Variants in RCAN1 observed in about 807,000 individuals in gnomAD.
RCAN1 encodes the protein regulator of calcineurin 1.
RCAN1 carries 11 observed loss-of-function variants against 22.9 expected under a neutral mutation model. The observed-to-expected ratio is 0.48, with a 90% CI of 0.30 to 0.79. RCAN1 has a LOEUF of 0.79. Ranked by LOEUF, RCAN1 falls within the 30% of genes least tolerant of loss-of-function variation. The probability of loss-of-function intolerance (pLI) is 0.06; values close to 1 mark genes in which losing one functional copy is unlikely to be tolerated. For synonymous variants in RCAN1, 136 were observed against 142.3 expected, an observed-to-expected ratio of 0.96 and a Z score of 0.32; for missense variants, 291 against 337.8, an observed-to-expected ratio of 0.86 and a Z score of 1.09.
intron 1 of RCAN1, among the ~76,000 whole-genome samples, chr21:34,590,265 A>G (rs1188669219): frequency 6.6e-6 from 1 of 152,262 alleles, no homozygotes; most frequent in Non-Finnish European, 1.5e-5. Context: ...TCCAGCAGCA[A>G]TCGCAATCTA....
intron 1 of RCAN1, among the ~76,000 whole-genome samples, chr21:34,538,597 G>C (rs1301650217): frequency 6.6e-6 from 1 of 152,160 alleles, no homozygotes; most frequent in Non-Finnish European, 1.5e-5. Flanking sequence ...GAGGGGAAAG[G>C]AAACTGGGCA....
At chr21:34,547,086 G>C (rs1170180429) in intron 1 of RCAN1, among the ~76,000 whole-genome samples, 1 of 152,184 alleles carries the variant, frequency 6.6e-6, no homozygotes, top group Non-Finnish European at 1.5e-5. Flanking sequence ...GGAACACAAA[G>C]GGTCGCAAAC....
rs570826634 is a variant in RCAN1 at position 34,567,806 on chromosome 21, C to T, written c.253-44096G>A. Among the ~76,000 whole-genome samples the T allele has an allele frequency of 1.9e-4, 29 of 152,296 alleles. No homozygotes were observed. In the South Asian group the frequency reaches 4.3e-3, roughly 23 times the overall value. On this transcript the variant is annotated intron_variant, in intron 1 of 3. Transcript: ENST00000313806. Reference sequence around the variant, plus strand: ...GTCGCTGCTGTTGATGCAAGGAAATCGCAACATAAGAGGAAAATGGGGTTG... The same window carrying T: ...GTCGCTGCTGTTGATGCAAGGAAATTGCAACATAAGAGGAAAATGGGGTTG...
chr21:34,613,909 C>T (rs1601231439), intron 1 of RCAN1: 3 of 1,318,468 alleles, frequency 2.3e-6, no homozygotes, highest in South Asian at 1.9e-5. Context: ...AGCTGCTCTC[C>T]TAATGGGGCA....
At position 34,558,196 on chromosome 21, in the gene RCAN1, G is replaced by A. The variant is rs151043280; in HGVS notation, c.253-34486C>T. Among the ~76,000 whole-genome samples, 483 of 152,258 alleles carry A rather than the reference G, an allele frequency of 3.2e-3. 3 individuals are homozygous for A. The highest frequency in any genetic ancestry group is 0.011 in the African/African-American group (458 of 41,566). On this transcript the variant is annotated intron_variant, in intron 1 of 3. Coordinates refer to ENST00000313806, the MANE Select transcript of RCAN1 (RefSeq NM_004414.7). ...AAAGAGATTCTCCCTCTCGAACTCC[G>A]AGGGAGAAGGCTGTTTCAGGTTCCC...
At chr21:34,596,077 C>T (rs1431334263) in intron 1 of RCAN1, among the ~76,000 whole-genome samples, 4 of 152,158 alleles carry the variant, frequency 2.6e-5, no homozygotes, top group South Asian at 2.1e-4. Context: ...ACTCTCGGCA[C>T]TTTCTGTCTG....
intron 1 of RCAN1, among the ~76,000 whole-genome samples, chr21:34,581,953 C>G (rs115264436): frequency 1.6e-4 from 25 of 152,190 alleles, no homozygotes; most frequent in Non-Finnish European, 3.4e-4. Context: ...CAGGGCCGAT[C>G]TCTTTCAAGC....
At chr21:34,597,005 G>C (rs1248581494) in intron 1 of RCAN1, among the ~76,000 whole-genome samples, 6 of 152,178 alleles carry the variant, frequency 3.9e-5, no homozygotes, top group Admixed American at 3.9e-4. Context: ...TTGAGACAGA[G>C]AGTAAGAATC....
rs939268909 is a variant in RCAN1 at position 34,523,467 on chromosome 21, C to T, written c.426+70G>A. The T allele has an allele frequency of 4.0e-6, 6 of 1,486,978 alleles. 1 individual carries two copies. Among genetic ancestry groups the T allele is most frequent in the South Asian group, 2.5e-5 (2 of 81,188 alleles). The allele number at this position is 1,486,978 out of a possible 1,614,324, so 92.1% of individuals were successfully genotyped here. A position where few individuals can be genotyped will look rare whatever the true frequency, so the allele number is the denominator to read the frequency against. On this transcript the variant is annotated intron_variant, in intron 2 of 3. Coordinates refer to ENST00000313806, the MANE Select transcript of RCAN1 (RefSeq NM_004414.7). ...TCCGGTCAGCATATAACATAAGCAA[C>T]GTATAAGCTGCTTTACAAAAGGGAG...
intron 1 of RCAN1, among the ~76,000 whole-genome samples, chr21:34,549,956 G>A (rs757741244): frequency 1.3e-5 from 2 of 152,064 alleles, no homozygotes; most frequent in Admixed American, 1.3e-4. Context: ...CTCCTTCCCC[G>A]AGATGTGCCT....
chr21:34,587,438 T>C (rs1987836792), intron 1 of RCAN1, among the ~76,000 whole-genome samples: 1 of 152,126 alleles, frequency 6.6e-6, no homozygotes, highest in Non-Finnish European at 1.5e-5. Flanking sequence ...TATTTTATGC[T>C]TTTAGCATAA....
At chr21:34,594,111 T>A (rs761636555) in intron 1 of RCAN1, among the ~76,000 whole-genome samples, 1 of 152,112 alleles carries the variant, frequency 6.6e-6, no homozygotes, top group Non-Finnish European at 1.5e-5. Flanking sequence ...AGAAAGCAGA[T>A]CTGCGTAAAA....
chr21:34,552,350 G>A (rs1000993327), intron 1 of RCAN1, among the ~76,000 whole-genome samples: 9 of 152,160 alleles, frequency 5.9e-5, no homozygotes, highest in African/African-American at 2.2e-4. Context: ...AGTAAGGTCT[G>A]GGAGGCATTG....
chr21:34,597,527 A>G (rs1988202023), intron 1 of RCAN1, among the ~76,000 whole-genome samples: 1 of 152,226 alleles, frequency 6.6e-6, no homozygotes, highest in Admixed American at 6.5e-5. Context: ...CCTATGTAAA[A>G]GTAATGAAAG....
At chr21:34,586,803 A>T (rs1021016047) in intron 1 of RCAN1, among the ~76,000 whole-genome samples, 7 of 152,144 alleles carry the variant, frequency 4.6e-5, no homozygotes, top group Non-Finnish European at 7.3e-5. Context: ...AAATACAAAA[A>T]ATTAGCCAGG....
At chr21:34,533,072 T>C (rs561903067) in intron 1 of RCAN1, among the ~76,000 whole-genome samples, 1 of 151,474 alleles carries the variant, frequency 6.6e-6, no homozygotes, top group Non-Finnish European at 1.5e-5. Context: ...GCCATTCTCC[T>C]GCCTCAGCCT....
chr21:34,525,068 G>C, intron 1 of RCAN1: 1 of 1,550,456 alleles, frequency 6.4e-7, no homozygotes, highest in East Asian at 2.4e-5. Flanking sequence ...TAGGCAGCGC[G>C]GACAGAGCTC....
intron 1 of RCAN1, among the ~76,000 whole-genome samples, chr21:34,612,884 A>G (rs931843608): frequency 3.9e-5 from 6 of 152,218 alleles, no homozygotes; most frequent in Admixed American, 3.9e-4. Flanking sequence ...CCACAGTGTT[A>G]GGACCTGACC....
intron 1 of RCAN1, among the ~76,000 whole-genome samples, chr21:34,534,025 T>G (rs1216994371): frequency 6.6e-6 from 1 of 152,204 alleles, no homozygotes; most frequent in Admixed American, 6.5e-5. Context: ...GACCCTGGCT[T>G]GTATTCTACA....
Sources: allele counts gnomAD v4.1 joint callset (sites outside exome capture counted in the v4.1 genomes callset), GRCh38; gene constraint gnomAD v4.1.1; transcripts MANE v1.5; gene names NCBI Gene and HGNC (gene_info 2026-07-23, HGNC 2026-07-21).